Variants in CENPE observed in about 807,000 individuals in gnomAD.
CENPE encodes the protein centromere protein E.
CENPE carries 145 observed loss-of-function variants against 336.1 expected under a neutral mutation model. That is an observed-to-expected ratio of 0.43 (90% CI 0.38 to 0.50). CENPE has a LOEUF of 0.50. CENPE is among the 20% of genes least tolerant of loss of function. CENPE has a pLI of 0.00. For synonymous variants in CENPE, 1,013 were observed against 984.8 expected (o/e 1.03, Z -0.54); for missense variants, 2,719 against 3,023.3 (o/e 0.90, Z 2.36).
At chr4:103,147,246 T>TA (rs893454990) in intron 29 of CENPE, 110 bp downstream of exon 29, 28 of 975,898 alleles carry the variant, frequency 2.9e-5, no homozygotes, top group South Asian at 3.5e-5. Flanking sequence ...TAAGAGACAT[T>TA]AAAAAAACTG....
rs1216067419 is a variant in CENPE at position 103,123,108 on chromosome 4, C to T, written c.6925-19G>A. The T allele has an allele frequency of 2.5e-6, 4 of 1,573,946 alleles. No homozygotes were observed. The highest frequency in any genetic ancestry group is 1.7e-5 in the Admixed American group (1 of 59,712). ...TTATGGCCTATTGAACAGTAAAATA[C>T]CATTATAGCTCTAAAACGATTTATA... On this transcript the variant is annotated intron_variant, in intron 42 of 48. Coordinates refer to ENST00000265148, the MANE Select transcript of CENPE (RefSeq NM_001813.3).
At chr4:103,191,703 G>A (rs578063540) in intron 8 of CENPE, among the ~76,000 whole-genome samples, 1 of 151,788 alleles carries the variant, frequency 6.6e-6, no homozygotes, top group African/African-American at 2.4e-5. Context: ...TAAATGACGA[G>A]TTAATGGGTG....
Position 103,159,190 on chromosome 4 carries a change from A to G in CENPE, c.2421T>C (p.Thr807=). The G allele has an allele frequency of 6.2e-7, 1 of 1,612,940 alleles. No homozygotes were observed. Among genetic ancestry groups the G allele is most frequent in the Non-Finnish European group, 8.5e-7 (1 of 1,179,258 alleles). Residue 807 remains threonine, a synonymous_variant, in exon 22 of 49, where the codon ACT becomes ACC. Coordinates refer to ENST00000265148, the MANE Select transcript of CENPE (RefSeq NM_001813.3). ...EIGKTKDDLA[T]TQSNYKSTDQ... ...CAGTGCTTTTATAATTCGACTGTGTAGTTGCTAGGTCATCTTTTGTTTTCC... is the reference window on the plus strand; with the variant it reads ...CAGTGCTTTTATAATTCGACTGTGTGGTTGCTAGGTCATCTTTTGTTTTCC...
At chr4:103,183,860 T>C (rs1756528110) in intron 9 of CENPE, among the ~76,000 whole-genome samples, 1 of 152,200 alleles carries the variant, frequency 6.6e-6, no homozygotes. Flanking sequence ...TCTTCACTGA[T>C]ATCAATAGTA....
intron 8 of CENPE, among the ~76,000 whole-genome samples, chr4:103,191,730 C>T (rs1757368105): frequency 6.6e-6 from 1 of 151,864 alleles, no homozygotes; most frequent in South Asian, 2.1e-4. Context: ...ACCAACATGG[C>T]ACATGTATAC....
chr4:103,190,737 G>A (rs1247978400), intron 8 of CENPE, among the ~76,000 whole-genome samples: 1 of 152,086 alleles, frequency 6.6e-6, no homozygotes, highest in Non-Finnish European at 1.5e-5. Context: ...GCATGGGCAA[G>A]GACTTCATGT....
chr4:103,154,501 G>C (rs1753813059), intron 24 of CENPE, among the ~76,000 whole-genome samples: 1 of 152,030 alleles, frequency 6.6e-6, no homozygotes, highest in Non-Finnish European at 1.5e-5. Context: ...ATATGCATGA[G>C]CTTCTAGAAG....
At chr4:103,161,953 A>T (rs1191428759) in intron 18 of CENPE, among the ~76,000 whole-genome samples, 2 of 152,180 alleles carry the variant, frequency 1.3e-5, no homozygotes, top group Non-Finnish European at 2.9e-5. Context: ...CTACAACCTC[A>T]TTTCTAAAGA....
rs759408671 is a variant in CENPE, at chr4:103,159,303, G to C, written c.2308C>G (p.Leu770Val). Residue 770 changes from leucine (L) to valine (V), a missense_variant, in exon 22 of 49, where the codon CTC becomes GTC. Leu to Val is a conservative substitution (Grantham distance 32, BLOSUM62 1). Transcript: ENST00000265148. ...TCTTTTTCTGATGTTATTATATGGA[G>C]CTCTTCAGATTTGTCTTGTATCTAT... is the stretch of plus-strand genomic sequence containing the variant. ...RKEIQDKSEE[L>V]HIITSEKDKL... 2.0e-6 allele frequency: 3 copies of C among 1,526,696 alleles called. No homozygotes were observed. Among genetic ancestry groups the C allele is most frequent in the Non-Finnish European group, 2.6e-6 (3 of 1,137,126 alleles). 94.6% of individuals were successfully genotyped at this position (1,526,696 alleles called of 1,614,324 possible).
chr4:103,184,577 T>C (rs964039494), intron 9 of CENPE, among the ~76,000 whole-genome samples: 1 of 152,192 alleles, frequency 6.6e-6, no homozygotes, highest in Non-Finnish European at 1.5e-5. Flanking sequence ...TGGCTATCAA[T>C]TAATGAATAA....
chr4:103,180,311 C>G lies in CENPE; in HGVS notation c.1242G>C (p.Lys414Asn). ...TTAAGCTGTCATCTTTTAATTTTAC[C>G]TTTAATTCCTGTTGCAACGTGAGGG... ...SSSLTLQQELKAKRKRRVTWC... is the reference protein window; with the variant it reads ...SSSLTLQQELNAKRKRRVTWC... Residue 414 changes from lysine (K) to asparagine (N), a missense_variant and splice_region_variant, in exon 13 of 49, where the codon AAG becomes AAC. Lys to Asn is a moderately conservative substitution (Grantham distance 94). Coordinates refer to ENST00000265148, the MANE Select transcript of CENPE (RefSeq NM_001813.3). The G allele has an allele frequency of 6.2e-7, 1 of 1,607,110 alleles. No individual in the cohort carries two copies. The highest frequency in any genetic ancestry group is 8.5e-7 in the Non-Finnish European group (1 of 1,176,548).
intron 9 of CENPE, among the ~76,000 whole-genome samples, chr4:103,185,227 C>G (rs1172979533): frequency 1.2e-4 from 18 of 151,684 alleles, no homozygotes; most frequent in Admixed American, 1.2e-3. Flanking sequence ...ATTGCTTGAG[C>G]CCAGGAGGTG....
intron 42 of CENPE, among the ~76,000 whole-genome samples, chr4:103,127,908 G>C (rs1484624048): frequency 6.6e-6 from 1 of 152,082 alleles, no homozygotes; most frequent in Non-Finnish European, 1.5e-5. Flanking sequence ...CAATATGGTA[G>C]ATATTAATCC....
intron 42 of CENPE, among the ~76,000 whole-genome samples, chr4:103,129,928 G>C (rs1751442373): frequency 6.6e-6 from 1 of 152,048 alleles, no homozygotes; most frequent in Non-Finnish European, 1.5e-5. Flanking sequence ...AAAATCACAT[G>C]ATCATATCAA....
intron 39 of CENPE, 139 bp from the exon 40 acceptor site, chr4:103,136,498 A>T: frequency 1.9e-6 from 1 of 520,426 alleles, no homozygotes; most frequent in Admixed American, 3.9e-5. Context: ...GTGTCTAAAA[A>T]CAAAAGGAAA....
At chr4:103,141,160 T>C (rs1359533023) in intron 35 of CENPE, 56 bp from the exon 36 acceptor site, 1 of 1,019,422 alleles carries the variant, frequency 9.8e-7, no homozygotes, top group Non-Finnish European at 1.4e-6. Flanking sequence ...AGATAAATAA[T>C]AGTTTCTAAA....
At chr4:103,136,089 T>G in intron 40 of CENPE, 52 bp downstream of exon 40, 1 of 1,435,856 alleles carries the variant, frequency 7.0e-7, no homozygotes, top group Non-Finnish European at 9.6e-7. Context: ...CTTAAATACA[T>G]TGATGTTTAT....
chr4:103,123,619 T>C (rs897846473), intron 42 of CENPE, among the ~76,000 whole-genome samples: 1 of 152,156 alleles, frequency 6.6e-6, no homozygotes, highest in Non-Finnish European at 1.5e-5. Flanking sequence ...GAAGAGAAAT[T>C]TGTGCTGTTT....
At chr4:103,171,591 C>A (rs1755414237) in intron 16 of CENPE, among the ~76,000 whole-genome samples, 1 of 151,572 alleles carries the variant, frequency 6.6e-6, no homozygotes, top group East Asian at 1.9e-4. Context: ...TAAACTATTA[C>A]CTCGAAGAAT....
Sources: allele counts gnomAD v4.1 joint callset (sites outside exome capture counted in the v4.1 genomes callset), GRCh38; gene constraint gnomAD v4.1.1; transcripts MANE v1.5; gene names NCBI Gene and HGNC (gene_info 2026-07-23, HGNC 2026-07-21).